Variants in SHISAL2A observed in about 807,000 individuals in gnomAD.
SHISAL2A encodes the protein shisa like 2A.
In SHISAL2A, 18 loss-of-function variants were observed where a neutral mutation model predicts 11.5. The ratio of observed to expected loss-of-function variants is 1.57; its 90% CI spans 1.08 to 2.33. SHISAL2A has a LOEUF of 2.33. SHISAL2A is among the 30% of genes most tolerant of loss of function. The pLI, the probability that SHISAL2A is intolerant of heterozygous loss-of-function variation, is 0.00. For missense variants in SHISAL2A, 261 were observed against 250.9 expected (o/e 1.04, Z -0.27); for synonymous variants, 94 against 99.6 (o/e 0.94, Z 0.34).
In SHISAL2A at chr1:52,633,863, C is replaced by T. The variant is rs958048467; in HGVS notation, c.182+188C>T. ...CAGCTCGATTTCCTCATCCTGACCC[C>T]AACCATTATTTAGAGCCATGCTCGG... On this transcript the variant is annotated intron_variant, in intron 1 of 2. Transcript: ENST00000517870. The surrounding 1 kb of genome is among the most constrained non-coding windows in gnomAD (Gnocchi z 6.4). Among the ~76,000 whole-genome samples, 4 of 152,044 alleles carry T rather than the reference C, an allele frequency of 2.6e-5. No homozygotes were observed. Among genetic ancestry groups the T allele is most frequent in the Middle Eastern group, 3.2e-3 (1 of 316 alleles).
At chr1:52,663,727 T>C (rs1173427216) in intron 4 of SHISAL2A, among the ~76,000 whole-genome samples, 4 of 152,054 alleles carry the variant, frequency 2.6e-5, no homozygotes, top group African/African-American at 9.7e-5. Flanking sequence ...CATCATTGCA[T>C]TCCAGCCTGG....
In SHISAL2A at chr1:52,633,227, G is replaced by T. The variant is rs1691165111; in HGVS notation, c.-267G>T. The T allele has an allele frequency of 3.4e-6, 1 of 294,046 alleles. No homozygotes were observed. Among genetic ancestry groups the T allele is most frequent in the African/African-American group, 2.2e-5 (1 of 45,328 alleles). The allele number at this position is 294,046 out of a possible 1,614,324, so 18.2% of individuals were successfully genotyped here. A position where few individuals can be genotyped will look rare whatever the true frequency, so the allele number is the denominator to read the frequency against. ...CCCCGCGTCCGCTCCGGCTCCTGCC[G>T]CGTTCCAGCAGCCGTCACTCCCGCC... On this transcript the variant is annotated 5_prime_UTR_variant, in exon 1 of 3. Transcript: ENST00000517870. This position sits in a 1 kb window ranked among gnomAD's most constrained non-coding sequence, Gnocchi z 6.4.
chr1:52,640,199 A>C (rs1167167224), intron 1 of SHISAL2A: 1 of 152,218 alleles, frequency 6.6e-6, no homozygotes, highest in African/African-American at 2.4e-5. Flanking sequence ...CAAAGCTCTC[A>C]GGTGTTTTGG....
At chr1:52,661,708 AC>A (rs1691909747), downstream of SHISAL2A, among the ~76,000 whole-genome samples, 1 of 152,082 alleles carries the variant, frequency 6.6e-6, no homozygotes, top group African/African-American at 2.4e-5. Flanking sequence ...CTGAAGACAC[AC>A]TGTGGGCCCA....
chr1:52,647,943 G>C (rs1013299276), intron 2 of SHISAL2A, among the ~76,000 whole-genome samples: 1 of 150,764 alleles, frequency 6.6e-6, no homozygotes, highest in East Asian at 1.9e-4. Flanking sequence ...AAGTGAGAAG[G>C]TTGGAAGGTT....
At position 52,642,869 on chromosome 1, in the gene SHISAL2A, C is replaced by T. The variant is rs1323355630; in HGVS notation, c.189C>T (p.Gly63=). The change falls in exon 2 of 3, where the codon GGC becomes GGT. Residue 63 remains glycine, a synonymous_variant. Coordinates refer to ENST00000517870, the MANE Select transcript of SHISAL2A (RefSeq NM_001042693.3). ...TGTGGTCTTCTCTTCCCAGCATTGG[C>T]GCTCTCATAGGCCTGTCCGTAGCAG... ...EHSYMWWLSI[G]ALIGLSVAAV... 9 of 1,612,872 alleles carry T rather than the reference C, an allele frequency of 5.6e-6. No homozygotes were observed. Among genetic ancestry groups the T allele is most frequent in the Admixed American group, 3.3e-5 (2 of 59,968 alleles).
In SHISAL2A at chr1:52,634,431, C is replaced by G. The variant is rs551691598; in HGVS notation, c.182+756C>G. 1.8e-3 allele frequency among the ~76,000 whole-genome samples: 281 copies of G among 152,300 alleles called. 1 individual carries two copies. Among genetic ancestry groups the G allele is most frequent in the African/African-American group, 6.5e-3 (268 of 41,550 alleles). On this transcript the variant is annotated intron_variant, in intron 1 of 2. Coordinates refer to ENST00000517870, the MANE Select transcript of SHISAL2A (RefSeq NM_001042693.3). ...CATCCTCAAGCTAAGGCAGAAGACT[C>G]GGGAGTCAGAGCTGCCTCCAAGTTC...
chr1:52,642,948 A>T lies in SHISAL2A; in HGVS notation c.268A>T (p.Ile90Phe). 6.2e-7 allele frequency: 1 copy of T among 1,614,130 alleles called. No individual in the cohort carries two copies. The highest frequency in any genetic ancestry group is 1.3e-5 in the African/African-American group (1 of 75,026). The stretch of plus-strand genomic sequence containing the variant: ...CGCCTGTGTGCTCTGCTACCTGTTC[A>T]TCAGCTCTAAGCCCCACACAAAGTT... Reference protein sequence around the residue: ...VTACVLCYLFISSKPHTKLDL... With the variant: ...VTACVLCYLFFSSKPHTKLDL... Residue 90 changes from isoleucine to phenylalanine, a missense_variant, in exon 2 of 3, where the codon ATC becomes TTC. By Grantham distance (21) the Ile-to-Phe change is conservative (BLOSUM62 0). Coordinates refer to ENST00000517870, the MANE Select transcript of SHISAL2A (RefSeq NM_001042693.3).
chr1:52,657,257 A>C (rs996571343), downstream of SHISAL2A, among the ~76,000 whole-genome samples: 1 of 152,154 alleles, frequency 6.6e-6, no homozygotes, highest in Non-Finnish European at 1.5e-5. Context: ...TAACAACTCC[A>C]TGCAATCGGG....
intron 2 of SHISAL2A, among the ~76,000 whole-genome samples, chr1:52,652,687 C>T (rs938947636): frequency 3.3e-5 from 5 of 151,870 alleles, no homozygotes; most frequent in Admixed American, 1.3e-4. Flanking sequence ...GTGTTTGGGC[C>T]GGGCGCAGTG....
intron 4 of SHISAL2A, among the ~76,000 whole-genome samples, chr1:52,664,863 A>T (rs1205424307): frequency 6.6e-6 from 1 of 152,022 alleles, no homozygotes; most frequent in Non-Finnish European, 1.5e-5. Flanking sequence ...ATCATGGCTC[A>T]CTGCAGTCTT....
At chr1:52,640,638 A>G (rs927838193) in intron 1 of SHISAL2A, among the ~76,000 whole-genome samples, 54 of 152,134 alleles carry the variant, frequency 3.5e-4, no homozygotes, top group African/African-American at 1.3e-3. Context: ...AAAAAAAAAC[A>G]TATTTGGTCT....
At chr1:52,664,974 A>G (rs1434481378) in intron 4 of SHISAL2A, among the ~76,000 whole-genome samples, 2 of 152,100 alleles carry the variant, frequency 1.3e-5, no homozygotes, top group Non-Finnish European at 2.9e-5. Flanking sequence ...TTTTTAGTAG[A>G]GACGAGGTTT....
chr1:52,666,243 G>A (rs775424205), intron 4 of SHISAL2A, among the ~76,000 whole-genome samples: 2 of 152,086 alleles, frequency 1.3e-5, no homozygotes, highest in East Asian at 1.9e-4. Context: ...CTTGAGGTCC[G>A]GAGTTCAAGA....
At chr1:52,645,510 G>A (rs1042558781) in intron 2 of SHISAL2A, among the ~76,000 whole-genome samples, 1 of 151,878 alleles carries the variant, frequency 6.6e-6, no homozygotes, top group African/African-American at 2.4e-5. Flanking sequence ...CGGGGCTCAG[G>A]TGATTCTCCC....
intron 1 of SHISAL2A, among the ~76,000 whole-genome samples, chr1:52,636,518 A>T (rs1021456361): frequency 5.2e-5 from 8 of 152,384 alleles, no homozygotes; most frequent in Non-Finnish European, 7.3e-5. Flanking sequence ...ATGCACATGA[A>T]AGTGACCAGT....
At chr1:52,635,821 C>T (rs1321374219) in intron 1 of SHISAL2A, among the ~76,000 whole-genome samples, 2 of 152,188 alleles carry the variant, frequency 1.3e-5, no homozygotes, top group Non-Finnish European at 2.9e-5. Context: ...AAACTATAAA[C>T]TAAATTCCTC....
At chr1:52,657,416 T>G (rs1185068868), downstream of SHISAL2A, among the ~76,000 whole-genome samples, 1 of 152,144 alleles carries the variant, frequency 6.6e-6, no homozygotes, top group Non-Finnish European at 1.5e-5. Context: ...GATCTCTGCC[T>G]CTTCAGCAGC....
intron 1 of SHISAL2A, among the ~76,000 whole-genome samples, chr1:52,634,197 C>T (rs1313315158): frequency 6.6e-6 from 1 of 152,170 alleles, no homozygotes; most frequent in Non-Finnish European, 1.5e-5. Flanking sequence ...GCTCTTCTCC[C>T]ACATCCTGAC....
Sources: allele counts gnomAD v4.1 joint callset (sites outside exome capture counted in the v4.1 genomes callset), GRCh38; gene constraint gnomAD v4.1.1; non-coding constraint Gnocchi (gnomAD v3.1); transcripts MANE v1.5; gene names NCBI Gene and HGNC (gene_info 2026-07-23, HGNC 2026-07-21).